The following LIN54 variants were observed in gnomAD, a reference collection of about 807,000 sequenced individuals.
LIN54 encodes protein lin-54 homolog.
In LIN54, 9 loss-of-function variants were observed where a neutral mutation model predicts 78.7. The observed-to-expected ratio is 0.11, with a 90% CI of 0.07 to 0.20. The LOEUF (loss-of-function observed/expected upper bound fraction) is 0.20, where lower values mean the gene tolerates loss of function less well. LIN54 is among the 10% of genes least tolerant of loss of function. The probability of loss-of-function intolerance (pLI) is 1.00; values close to 1 mark genes in which losing one functional copy is unlikely to be tolerated. For synonymous variants in LIN54, 269 were observed against 318.4 expected (o/e 0.84, Z 1.65); for missense variants, 573 against 889.9 (o/e 0.64, Z 4.53).
chr4:82,939,089 G>C (rs1722627529), intron 7 of LIN54, among the ~76,000 whole-genome samples: 1 of 152,202 alleles, frequency 6.6e-6, no homozygotes, highest in Non-Finnish European at 1.5e-5. Context: ...ACCAGTAAGA[G>C]TAGATAGATC....
chr4:82,939,978 A>G lies in LIN54; in HGVS notation c.1169-16T>C. ...ACTGGCTTTGCTTTTTAAAAAACAA[A>G]AGAAGGATGAACAAGTTATTTACAG... On this transcript the variant is annotated splice_polypyrimidine_tract_variant and intron_variant, in intron 5 of 12. Transcript: ENST00000340417. The G allele has an allele frequency of 6.4e-7, 1 of 1,556,726 alleles. No individual in the cohort carries two copies.
At chr4:82,960,471 T>C (rs865893064) in intron 4 of LIN54, among the ~76,000 whole-genome samples, 28 of 151,786 alleles carry the variant, frequency 1.8e-4, no homozygotes, top group African/African-American at 6.8e-4. Flanking sequence ...TTTCACTCCA[T>C]CACCCAGGTT....
Position 82,966,963 on chromosome 4 carries a change from G to A in LIN54, c.951+3364C>T, listed in dbSNP as rs376633347. On this transcript the variant is annotated intron_variant, in intron 4 of 12. Coordinates refer to ENST00000340417, the MANE Select transcript of LIN54 (RefSeq NM_194282.4). ...CTTATTAAGATAAATAAGCTTAGCCGTTACGTCTGTAATCCCAGCACTTTG... is the reference window on the plus strand; with the variant it reads ...CTTATTAAGATAAATAAGCTTAGCCATTACGTCTGTAATCCCAGCACTTTG... 7.9e-5 allele frequency among the ~76,000 whole-genome samples: 12 copies of A among 151,814 alleles called. 1 individual carries two copies. Among genetic ancestry groups the A allele is most frequent in the Admixed American group, 2.6e-4 (4 of 15,232 alleles).
At chr4:82,938,388 A>G (rs758013421) in intron 8 of LIN54, 25 bp downstream of exon 8, 13 of 1,268,014 alleles carry the variant, frequency 1.0e-5, no homozygotes, top group Non-Finnish European at 1.3e-5. Flanking sequence ...CTAACAACTT[A>G]TGTACCTATT....
chr4:82,986,905 A>G (rs1305226256), intron 1 of LIN54, among the ~76,000 whole-genome samples: 1 of 152,138 alleles, frequency 6.6e-6, no homozygotes, highest in African/African-American at 2.4e-5. Flanking sequence ...TGTTTTATAG[A>G]TGAGGCCATT....
At chr4:82,939,838 A>G (rs1560723869) in intron 6 of LIN54, 51 bp downstream of exon 6, 1 of 1,589,814 alleles carries the variant, frequency 6.3e-7, no homozygotes, top group South Asian at 1.1e-5. Flanking sequence ...CTATTTAAAA[A>G]GTAAATCGTC....
rs1345455796 is a variant in LIN54, at chr4:82,925,001, T to TA, written c.*3100dup. ...AAATTATTTTTATTCACATTTTACATAAGATTGAAAAAATGTCAGTTGTTC... is the reference window on the plus strand; with the variant it reads ...AAATTATTTTTATTCACATTTTACATAAAGATTGAAAAAATGTCAGTTGTTC... On this transcript the variant is annotated 3_prime_UTR_variant, in exon 13 of 13. Coordinates refer to ENST00000340417, the MANE Select transcript of LIN54 (RefSeq NM_194282.4). The TA allele has an allele frequency of 6.6e-6, 1 of 152,514 alleles. No homozygotes were observed. Among genetic ancestry groups the TA allele is most frequent in the African/African-American group, 2.4e-5 (1 of 41,418 alleles). The allele number at this position is 152,514 out of a possible 1,614,324, so 9.4% of individuals were successfully genotyped here.
At chr4:82,979,795 G>A (rs1223300839) in intron 2 of LIN54, among the ~76,000 whole-genome samples, 1 of 151,612 alleles carries the variant, frequency 6.6e-6, no homozygotes, top group Admixed American at 6.6e-5. Flanking sequence ...AAATAAGCAG[G>A]GTGTGGTGGC....
intron 2 of LIN54, among the ~76,000 whole-genome samples, chr4:82,981,065 G>A (rs959277609): frequency 6.6e-6 from 1 of 151,616 alleles, no homozygotes; most frequent in Non-Finnish European, 1.5e-5. Flanking sequence ...AAGTATCCTG[G>A]AACAAAATTA....
At position 82,976,382 on chromosome 4, in the gene LIN54, C is replaced by CA. The variant is rs34687744; in HGVS notation, c.808+2500dup. ...CTTCAATGAGAAGCCCAAAAATCAT[C>CA]AAAAAAAAAAAAAAAATCTCAAGGT... On this transcript the variant is annotated intron_variant, in intron 3 of 12. Coordinates refer to ENST00000340417, the MANE Select transcript of LIN54 (RefSeq NM_194282.4). Among the ~76,000 whole-genome samples, 1,290 of 136,502 alleles carry CA rather than the reference C, an allele frequency of 9.5e-3. 18 individuals carry two copies. Among genetic ancestry groups the CA allele is most frequent in the Middle Eastern group, 0.015 (4 of 272 alleles). The allele number at this position is 136,502 out of a possible 152,430, so 89.6% of individuals were successfully genotyped here.
chr4:82,962,941 G>A (rs1724923171), intron 4 of LIN54, among the ~76,000 whole-genome samples: 1 of 151,932 alleles, frequency 6.6e-6, no homozygotes. Flanking sequence ...AGTGACCCAA[G>A]TTTTCTGAAA....
chr4:82,960,441 T>G (rs1480729749), intron 4 of LIN54, among the ~76,000 whole-genome samples: 1 of 144,972 alleles, frequency 6.9e-6, no homozygotes, highest in African/African-American at 2.5e-5. Flanking sequence ...TCAATTGTCC[T>G]TTTTTTTTTT....
chr4:82,996,567 G>A (rs1273049293), intron 1 of LIN54, among the ~76,000 whole-genome samples: 3 of 151,816 alleles, frequency 2.0e-5, no homozygotes, highest in Non-Finnish European at 2.9e-5. Context: ...TACCATGCCT[G>A]GCTAATTTTT....
At chr4:82,981,115 T>G (rs917938161) in intron 2 of LIN54, among the ~76,000 whole-genome samples, 5 of 152,154 alleles carry the variant, frequency 3.3e-5, no homozygotes, top group Non-Finnish European at 7.4e-5. Flanking sequence ...TTAACAAGTT[T>G]ATAGAATCAG....
intron 2 of LIN54, among the ~76,000 whole-genome samples, chr4:82,982,214 T>C (rs1188017176): frequency 6.6e-6 from 1 of 152,124 alleles, no homozygotes; most frequent in Non-Finnish European, 1.5e-5. Context: ...TAATTTATGA[T>C]ATCTTTTCCT....
Position 83,001,290 on chromosome 4 carries a change from G to A in LIN54, c.-33+9194C>T, listed in dbSNP as rs183583004. 1.1e-3 allele frequency among the ~76,000 whole-genome samples: 170 copies of A among 152,176 alleles called. 1 individual carries two copies. Among genetic ancestry groups the A allele is most frequent in the African/African-American group, 4.0e-3 (165 of 41,558 alleles). On this transcript the variant is annotated intron_variant, in intron 1 of 12. Coordinates refer to ENST00000340417, the MANE Select transcript of LIN54 (RefSeq NM_194282.4). ...TCTTGGGTAAGGCACACTGGCTCATGACTGTAATCCCAACACTTTGGGAGG... is the reference window on the plus strand; with the variant it reads ...TCTTGGGTAAGGCACACTGGCTCATAACTGTAATCCCAACACTTTGGGAGG...
Position 82,938,825 on chromosome 4 carries a change from A to G in LIN54, c.1441-321T>C, listed in dbSNP as rs186585769. On this transcript the variant is annotated intron_variant, in intron 7 of 12. Coordinates refer to ENST00000340417, the MANE Select transcript of LIN54 (RefSeq NM_194282.4). ...GTAATAACTTGTTTGGGCTAGAAAA[A>G]TGCAATGTGCCTACTTACAAATAAA... Among the ~76,000 whole-genome samples, 6 of 152,374 alleles carry G rather than the reference A, an allele frequency of 3.9e-5. No homozygotes were observed. In the East Asian group the frequency reaches 9.6e-4, roughly 24 times the overall value.
chr4:82,984,029 C>T, intron 2 of LIN54, 132 bp downstream of exon 2: 1 of 665,916 alleles, frequency 1.5e-6, no homozygotes, highest in Middle Eastern at 3.9e-4. Context: ...CACACACACA[C>T]AATTACATAA....
chr4:82,938,633 A>C, intron 7 of LIN54, 129 bp from the exon 8 acceptor site: 1 of 611,506 alleles, frequency 1.6e-6, no homozygotes. Flanking sequence ...ATATCACACA[A>C]ACACATACTT....
Sources: allele counts gnomAD v4.1 joint callset (sites outside exome capture counted in the v4.1 genomes callset), GRCh38; gene constraint gnomAD v4.1.1; transcripts MANE v1.5; gene names NCBI Gene and HGNC (gene_info 2026-07-23, HGNC 2026-07-21).